The following ZMYND11 variants were observed in gnomAD, a reference collection of about 807,000 sequenced individuals.
ZMYND11 encodes the protein zinc finger MYND domain-containing protein 11.
A neutral mutation model predicts 84.9 loss-of-function variants in ZMYND11; 9 were observed. That is an observed-to-expected ratio of 0.11 (90% confidence interval 0.06 to 0.18). The LOEUF is 0.18. Ranked by LOEUF, ZMYND11 falls within the 10% of genes least tolerant of loss-of-function variation. The pLI is 1.00. For missense variants in ZMYND11, 409 were observed against 761.0 expected (o/e 0.54, Z 5.44); for synonymous variants, 250 against 244.1 (o/e 1.02, Z -0.23).
intron 1 of ZMYND11, among the ~76,000 whole-genome samples, chr10:167,339 T>TA (rs1295707574): frequency 6.6e-6 from 1 of 152,148 alleles, no homozygotes; most frequent in African/African-American, 2.4e-5. Context: ...TGTATGTGAA[T>TA]TATACCTCAA....
At chr10:242,644 TAAGGTGAAA>T (rs1299755055) in intron 10 of ZMYND11, among the ~76,000 whole-genome samples, 15 of 152,192 alleles carry the variant, frequency 9.9e-5, no homozygotes, top group Admixed American at 9.8e-4. Flanking sequence ...GATATTGAGA[TAAGGTGAAA>T]AAGTGACAGA....
At chr10:151,953 T>C (rs1840474945) in intron 1 of ZMYND11, among the ~76,000 whole-genome samples, 2 of 152,154 alleles carry the variant, frequency 1.3e-5, no homozygotes, top group Admixed American at 1.3e-4. Context: ...GAATTTCATA[T>C]CCAGCCAAAC....
At position 201,061 on chromosome 10, in the gene ZMYND11, A is replaced by G. The variant is rs542381591; in HGVS notation, c.117-8828A>G. 3.3e-5 allele frequency among the ~76,000 whole-genome samples: 5 copies of G among 152,060 alleles called. No homozygotes were observed. In the South Asian group the frequency reaches 1.0e-3, roughly 32 times the overall value. ...TATACTCATAAAGTCTTTTGACAGC[A>G]AGATACTAGATCAATATTCATTTAA... On this transcript the variant is annotated intron_variant, in intron 2 of 14. Transcript: ENST00000381604.
chr10:249,771 A>G, intron 14 of ZMYND11: 1 of 984,994 alleles, frequency 1.0e-6, no homozygotes, highest in Non-Finnish European at 1.2e-6. Context: ...ATAAATGACT[A>G]TATAAAGTTT....
Position 180,148 on chromosome 10 carries a change from A to T in ZMYND11, c.116+20A>T. Reference sequence around the variant, plus strand: ...TACAAAGTAAGTAAATTTAAACACAAATATCTCTGTAAAATGTCGTAGAAG... The same window carrying T: ...TACAAAGTAAGTAAATTTAAACACATATATCTCTGTAAAATGTCGTAGAAG... On this transcript the variant is annotated intron_variant, in intron 2 of 14. Coordinates refer to ENST00000381604, the MANE Select transcript of ZMYND11 (RefSeq NM_001370100.5). The T allele has an allele frequency of 6.3e-7, 1 of 1,585,832 alleles. No homozygotes were observed. Among genetic ancestry groups the T allele is most frequent in the Non-Finnish European group, 8.6e-7 (1 of 1,157,656 alleles).
intron 1 of ZMYND11, among the ~76,000 whole-genome samples, chr10:165,307 G>C (rs1554763404): frequency 6.6e-6 from 1 of 152,052 alleles, no homozygotes; most frequent in African/African-American, 2.4e-5. Flanking sequence ...CTGTAAGACA[G>C]CTCTCCTAGA....
chr10:253,913 ATCAT>A lies in ZMYND11; in HGVS notation c.*1444_*1447del, dbSNP rs1281846535. ...AATGTAACTAAGTCTTCTGTGAAAT[ATCAT>A]CCATCTAATCTTGATGCTGTTGCAG... is the stretch of plus-strand genomic sequence containing the variant. On this transcript the variant is annotated 3_prime_UTR_variant, in exon 15 of 15. Transcript: ENST00000381604. The A allele has an allele frequency of 6.6e-6, 1 of 152,670 alleles. No homozygotes were observed. Among genetic ancestry groups the A allele is most frequent in the African/African-American group, 2.4e-5 (1 of 41,468 alleles). 9.5% of individuals were successfully genotyped at this position (152,670 alleles called of 1,614,324 possible).
chr10:226,578 A>T (rs1948178938), intron 4 of ZMYND11, among the ~76,000 whole-genome samples: 1 of 152,188 alleles, frequency 6.6e-6, no homozygotes. Context: ...TCATATTTAG[A>T]CTAAAATTAT....
chr10:132,490 C>T (rs1352622206), upstream of ZMYND11, among the ~76,000 whole-genome samples: 1 of 151,960 alleles, frequency 6.6e-6, no homozygotes, highest in Non-Finnish European at 1.5e-5. Flanking sequence ...TCACTAGACA[C>T]ACATTTTTGA....
intron 1 of ZMYND11, among the ~76,000 whole-genome samples, chr10:150,977 C>A (rs1021969174): frequency 3.9e-5 from 6 of 152,090 alleles, no homozygotes; most frequent in Non-Finnish European, 7.4e-5. Context: ...GGACCTCCAG[C>A]AAACTCCAAC....
At position 249,815 on chromosome 10, in the gene ZMYND11, AT is replaced by A. The variant is rs1952978982; in HGVS notation, c.1686+728del. The stretch of plus-strand genomic sequence containing the variant: ...ACTAATTCTTCATTTTATCAAGCCT[AT>A]ATTATATAAATACACATAAGCTTTT... On this transcript the variant is annotated intron_variant, in intron 14 of 14. Transcript: ENST00000381604. 9.4e-5 allele frequency: 89 copies of A among 941,916 alleles called. 1 individual carries two copies. The South Asian group carries it at 4.0e-3, about 42-fold the overall frequency. 58.3% of individuals were successfully genotyped at this position (941,916 alleles called of 1,614,324 possible).
chr10:223,668 T>A (rs1206318058), intron 4 of ZMYND11, among the ~76,000 whole-genome samples: 1 of 152,188 alleles, frequency 6.6e-6, no homozygotes, highest in South Asian at 2.1e-4. Flanking sequence ...TTAGATCCAT[T>A]CTATTGTTTT....
At chr10:243,210 A>G (rs773310276) in intron 10 of ZMYND11, among the ~76,000 whole-genome samples, 18 of 152,182 alleles carry the variant, frequency 1.2e-4, no homozygotes, top group Non-Finnish European at 2.2e-4. Flanking sequence ...GAGTTTTTGT[A>G]AGGTTTAAAG....
chr10:138,928 C>T (rs1299776516), intron 1 of ZMYND11, among the ~76,000 whole-genome samples: 1 of 152,192 alleles, frequency 6.6e-6, no homozygotes, highest in Non-Finnish European at 1.5e-5. Context: ...ACTGCAGCCT[C>T]TGCCTCCTGG....
chr10:206,306 GCCGAGAT>G (rs1224502586), intron 2 of ZMYND11, among the ~76,000 whole-genome samples: 2 of 152,146 alleles, frequency 1.3e-5, no homozygotes, highest in East Asian at 3.9e-4. Context: ...GTTGCAGTGA[GCCGAGAT>G]CATGCCACTG....
At chr10:174,350 CTG>C (rs1174216677) in intron 1 of ZMYND11, among the ~76,000 whole-genome samples, 4 of 152,202 alleles carry the variant, frequency 2.6e-5, no homozygotes, top group African/African-American at 7.2e-5. Flanking sequence ...AAAGGCAAAA[CTG>C]TGGAGACAGT....
chr10:252,239 T>C lies in ZMYND11; in HGVS notation c.1687-109T>C. The C allele has an allele frequency of 7.4e-7, 1 of 1,342,536 alleles. No homozygotes were observed. The highest frequency in any genetic ancestry group is 1.0e-6 in the Non-Finnish European group (1 of 978,828). The allele number at this position is 1,342,536 out of a possible 1,614,324, so 83.2% of individuals were successfully genotyped here. A position where few individuals can be genotyped will look rare whatever the true frequency, so the allele number is the denominator to read the frequency against. The stretch of plus-strand genomic sequence containing the variant: ...AACGTATTCAGATTCCACAAAAGGT[T>C]GAGCCAGAAAGATCTTTTAAAAGCA... On this transcript the variant is annotated intron_variant, in intron 14 of 14. Coordinates refer to ENST00000381604, the MANE Select transcript of ZMYND11 (RefSeq NM_001370100.5). This position sits in a 1 kb window ranked among gnomAD's most constrained non-coding sequence, Gnocchi z 4.6.
intron 4 of ZMYND11, among the ~76,000 whole-genome samples, chr10:232,714 T>G (rs1441060585): frequency 6.6e-6 from 1 of 152,200 alleles, no homozygotes; most frequent in East Asian, 1.9e-4. Context: ...TTCAACAAAA[T>G]AATCTCCTTT....
At chr10:184,720 C>A (rs1010654691) in intron 2 of ZMYND11, among the ~76,000 whole-genome samples, 1 of 152,148 alleles carries the variant, frequency 6.6e-6, no homozygotes, top group Non-Finnish European at 1.5e-5. Context: ...CCATAGTCCT[C>A]TCTGTTGGTC....
Sources: allele counts gnomAD v4.1 joint callset (sites outside exome capture counted in the v4.1 genomes callset), GRCh38; gene constraint gnomAD v4.1.1; non-coding constraint Gnocchi (gnomAD v3.1); transcripts MANE v1.5; gene names NCBI Gene and HGNC (gene_info 2026-07-23, HGNC 2026-07-21).